TMEM132D: variants seen among roughly 807,000 people sequenced by gnomAD.
TMEM132D encodes the protein transmembrane protein 132D.
Under a neutral mutation model 62.3 loss-of-function variants are expected in TMEM132D, and 21 were observed. That is an observed-to-expected ratio of 0.34 (90% CI 0.24 to 0.49). The LOEUF (loss-of-function observed/expected upper bound fraction) is 0.49, where lower values mean the gene tolerates loss of function less well. Ranked by LOEUF, TMEM132D falls within the 20% of genes least tolerant of loss-of-function variation. The pLI, the probability that TMEM132D is intolerant of heterozygous loss-of-function variation, is 0.99. For synonymous variants in TMEM132D, 621 were observed against 575.6 expected (o/e 1.08, Z -1.13); for missense variants, 1,346 against 1,402.8 (o/e 0.96, Z 0.65).
chr12:129,199,263 A>T (rs1160127265), intron 5 of TMEM132D, among the ~76,000 whole-genome samples: 2 of 152,022 alleles, frequency 1.3e-5, no homozygotes, highest in Non-Finnish European at 2.9e-5. Context: ...GCATGCACCC[A>T]GCTAATTTTT....
chr12:129,475,999 C>T (rs987100186), intron 3 of TMEM132D, among the ~76,000 whole-genome samples: 7 of 152,160 alleles, frequency 4.6e-5, no homozygotes, highest in South Asian at 2.1e-4. Flanking sequence ...TATTTGTAAG[C>T]GGGTGTTCCC....
intron 3 of TMEM132D, among the ~76,000 whole-genome samples, chr12:129,469,990 T>C (rs921524035): frequency 2.0e-5 from 3 of 152,170 alleles, no homozygotes; most frequent in African/African-American, 7.2e-5. Flanking sequence ...GTATTGACTA[T>C]GTAATTTTCC....
At chr12:129,092,303 C>CTTTTTT (rs3045890) in intron 5 of TMEM132D, among the ~76,000 whole-genome samples, 9 of 133,904 alleles carry the variant, frequency 6.7e-5, no homozygotes, top group East Asian at 2.2e-4. Context: ...TCTCTCTTTC[C>CTTTTTT]TTTTTTTTTT....
At chr12:129,248,335 G>C (rs1880177621) in intron 4 of TMEM132D, among the ~76,000 whole-genome samples, 2 of 152,174 alleles carry the variant, frequency 1.3e-5, no homozygotes, top group South Asian at 2.1e-4. Flanking sequence ...TCTGCAGAAA[G>C]TCTTAAAATA....
At chr12:129,311,693 C>T (rs1373950506) in intron 4 of TMEM132D, among the ~76,000 whole-genome samples, 1 of 152,078 alleles carries the variant, frequency 6.6e-6, no homozygotes, top group African/African-American at 2.4e-5. Context: ...CACTGATTAC[C>T]TCATTAAGGA....
At chr12:129,224,641 C>T (rs998467544) in intron 4 of TMEM132D, among the ~76,000 whole-genome samples, 3 of 152,122 alleles carry the variant, frequency 2.0e-5, no homozygotes, top group Non-Finnish European at 4.4e-5. Context: ...GGCACGGTGG[C>T]TCATGCCTAT....
At chr12:129,585,074 G>T (rs1430833799) in intron 2 of TMEM132D, among the ~76,000 whole-genome samples, 3 of 152,122 alleles carry the variant, frequency 2.0e-5, no homozygotes, top group Non-Finnish European at 2.9e-5. Context: ...TACAAATAAA[G>T]TCACTAAAAC....
At chr12:129,180,098 G>T (rs889843312) in intron 5 of TMEM132D, among the ~76,000 whole-genome samples, 2 of 151,962 alleles carry the variant, frequency 1.3e-5, no homozygotes, top group Non-Finnish European at 2.9e-5. Flanking sequence ...GCAGAATCTG[G>T]CCTGCTGGAC....
At chr12:129,535,769 T>TC (rs374872196) in intron 2 of TMEM132D, among the ~76,000 whole-genome samples, 24,085 of 91,188 alleles carry the variant, frequency 0.26, 2,102 homozygotes, top group Admixed American at 0.4. Flanking sequence ...TCATTTAAGA[T>TC]TTGTGTGCGT....
intron 4 of TMEM132D, among the ~76,000 whole-genome samples, chr12:129,276,441 TG>T (rs1219065347): frequency 1.3e-5 from 2 of 152,252 alleles, no homozygotes; most frequent in African/African-American, 4.8e-5. Context: ...CAGGGATTTA[TG>T]GAATTTGTCA....
At chr12:129,205,129 A>G (rs1735893133) in intron 5 of TMEM132D, among the ~76,000 whole-genome samples, 1 of 152,202 alleles carries the variant, frequency 6.6e-6, no homozygotes, top group African/African-American at 2.4e-5. Context: ...ATCTATGGCT[A>G]ACAACATGAA....
At chr12:129,196,640 T>C (rs1265725073) in intron 5 of TMEM132D, among the ~76,000 whole-genome samples, 1 of 152,182 alleles carries the variant, frequency 6.6e-6, no homozygotes, top group Non-Finnish European at 1.5e-5. Context: ...GATGCTGTTC[T>C]AGACTAACCT....
intron 5 of TMEM132D, among the ~76,000 whole-genome samples, chr12:129,180,585 C>T (rs1239434471): frequency 6.6e-6 from 1 of 152,116 alleles, no homozygotes; most frequent in Non-Finnish European, 1.5e-5. Flanking sequence ...TCAGGCAGTG[C>T]TAAGATTTGT....
intron 3 of TMEM132D, among the ~76,000 whole-genome samples, chr12:129,434,202 G>A (rs1261137760): frequency 6.6e-6 from 1 of 152,168 alleles, no homozygotes; most frequent in Non-Finnish European, 1.5e-5. Context: ...AGATGGAAGA[G>A]ACAAACTCCC....
rs981880481 is a variant in TMEM132D, at chr12:129,215,578, T to C, written c.1300-5915A>G. On this transcript the variant is annotated intron_variant, in intron 4 of 8. Coordinates refer to ENST00000422113, the MANE Select transcript of TMEM132D (RefSeq NM_133448.3). ...TTTCTTCCTGCCCACTAGGCACAGA[T>C]AATGTTGGAGTTAAACCGCATCTTG... Among the ~76,000 whole-genome samples the C allele has an allele frequency of 2.6e-5, 4 of 152,310 alleles. No individual in the cohort carries two copies. The East Asian group carries it at 7.7e-4, about 29-fold the overall frequency.
chr12:129,554,792 G>A (rs1877008218), intron 2 of TMEM132D, among the ~76,000 whole-genome samples: 1 of 152,128 alleles, frequency 6.6e-6, no homozygotes, highest in South Asian at 2.1e-4. Flanking sequence ...GCACCAGGTG[G>A]GTCAGACTTG....
chr12:129,090,525 A>T (rs550298812), intron 5 of TMEM132D, among the ~76,000 whole-genome samples: 1 of 152,246 alleles, frequency 6.6e-6, no homozygotes, highest in East Asian at 1.9e-4. Flanking sequence ...AAAATTAGCC[A>T]GGCATGGTGG....
chr12:129,653,155 A>G (rs1314794493), intron 2 of TMEM132D, among the ~76,000 whole-genome samples: 2 of 152,188 alleles, frequency 1.3e-5, no homozygotes, highest in Non-Finnish European at 2.9e-5. Flanking sequence ...CATGAGGTGC[A>G]GAGTCCTAAG....
In TMEM132D at chr12:129,573,160, C is replaced by A. The variant is rs183554063; in HGVS notation, c.969-41955G>T. ...CAGCCATGGAGACCCTGCGCCTACACAAAGACATCTCTCCCAGGGGCTCAT... is the reference window on the plus strand; with the variant it reads ...CAGCCATGGAGACCCTGCGCCTACAAAAAGACATCTCTCCCAGGGGCTCAT... On this transcript the variant is annotated intron_variant, in intron 2 of 8. Transcript: ENST00000422113. 2.5e-3 allele frequency among the ~76,000 whole-genome samples: 375 copies of A among 152,266 alleles called. 2 individuals are homozygous for A. The highest frequency in any genetic ancestry group is 8.5e-3 in the African/African-American group (355 of 41,570).
Sources: gnomAD v4.1 joint callset for allele counts (sites outside exome capture counted in the v4.1 genomes callset) on GRCh38, gnomAD v4.1.1 for gene constraint, MANE v1.5 for transcripts, NCBI Gene and HGNC (gene_info 2026-07-23, HGNC 2026-07-21) for gene names.